WIF1: variants seen among roughly 807,000 people sequenced by gnomAD.
WIF1 encodes Wnt inhibitory factor 1.
Under a neutral mutation model 53.5 loss-of-function variants are expected in WIF1, and 35 were observed. That is an observed-to-expected ratio of 0.65 (90% CI 0.50 to 0.87). WIF1 has a LOEUF of 0.87. WIF1 is among the 40% of genes least tolerant of loss of function. The pLI is 0.00. For missense variants in WIF1, 467 were observed against 476.8 expected (o/e 0.98, Z 0.19); for synonymous variants, 171 against 170.4 (o/e 1.00, Z -0.03).
At chr12:65,060,576 A>T (rs1882597240) in intron 7 of WIF1, among the ~76,000 whole-genome samples, 1 of 152,128 alleles carries the variant, frequency 6.6e-6, no homozygotes, top group African/African-American at 2.4e-5. Flanking sequence ...GCTAATAGGT[A>T]CAGATTTTCT....
rs141776569 is a variant in WIF1 at position 65,060,633 on chromosome 12, C to T, written c.826+1848G>A. Among the ~76,000 whole-genome samples the T allele has an allele frequency of 1.1e-3, 169 of 152,246 alleles. 1 individual carries two copies. Among genetic ancestry groups the T allele is most frequent in the African/African-American group, 3.8e-3 (157 of 41,542 alleles). On this transcript the variant is annotated intron_variant, in intron 7 of 9. Transcript: ENST00000286574. ...TGGAATTTGATAGAGGTGATGGCTA[C>T]ACAATCTTGTGAATAACCCGAATGG...
At chr12:65,112,404 T>TCTCACACACACACACA (rs1555188370) in intron 2 of WIF1, among the ~76,000 whole-genome samples, 6 of 123,448 alleles carry the variant, frequency 4.9e-5, no homozygotes, top group African/African-American at 1.7e-4. Flanking sequence ...CCTGCTCTAA[T>TCTCACACACACACACA]CACACACACA....
intron 3 of WIF1, among the ~76,000 whole-genome samples, chr12:65,077,454 C>T (rs933415067): frequency 2.6e-5 from 4 of 152,098 alleles, no homozygotes; most frequent in African/African-American, 9.7e-5. Flanking sequence ...TATATCTCAC[C>T]AGATGTGTTT....
At chr12:65,109,566 A>G (rs1883399326) in intron 2 of WIF1, among the ~76,000 whole-genome samples, 1 of 152,244 alleles carries the variant, frequency 6.6e-6, no homozygotes. Flanking sequence ...TCCTGAAGCC[A>G]GTTAGATCAG....
intron 2 of WIF1, among the ~76,000 whole-genome samples, chr12:65,095,342 C>A (rs1328369280): frequency 3.9e-5 from 6 of 152,144 alleles, no homozygotes; most frequent in African/African-American, 1.2e-4. Flanking sequence ...CACTCTCAAG[C>A]AATCCTTGTG....
At chr12:65,072,135 T>A (rs1882793569) in intron 3 of WIF1, among the ~76,000 whole-genome samples, 1 of 152,184 alleles carries the variant, frequency 6.6e-6, no homozygotes, top group East Asian at 1.9e-4. Context: ...CTGACTTTAG[T>A]TAGCTGCATC....
chr12:65,112,691 C>T (rs536968414), intron 2 of WIF1, among the ~76,000 whole-genome samples: 1 of 152,300 alleles, frequency 6.6e-6, no homozygotes, highest in African/African-American at 2.4e-5. Context: ...TTGGCCCTGA[C>T]CTCCCTTCAC....
In WIF1 at chr12:65,066,641, C is replaced by A; in HGVS notation, c.730G>T (p.Ala244Ser). Residue 244 changes from alanine to serine, a missense_variant and splice_region_variant, in exon 6 of 10, where the codon GCA becomes TCA. Coordinates refer to ENST00000286574, the MANE Select transcript of WIF1 (RefSeq NM_007191.5). ...TTTCTTCTTAAAAAGAAACTGTTAC[C>A]TTTGTCACAGTTCACTCCATAGAAT... ...PGFYGVNCDK[A>S]NCSTTCFNGG... 1 of 1,596,226 alleles carries A rather than the reference C, an allele frequency of 6.3e-7. No individual in the cohort carries two copies. The highest frequency in any genetic ancestry group is 8.5e-7 in the Non-Finnish European group (1 of 1,173,462).
At chr12:65,117,101 G>A (rs779663392) in intron 2 of WIF1, among the ~76,000 whole-genome samples, 2 of 151,924 alleles carry the variant, frequency 1.3e-5, no homozygotes, top group Non-Finnish European at 2.9e-5. Flanking sequence ...TTATTATTCT[G>A]CCACTATTGC....
chr12:65,053,481 T>C (rs1882474121), intron 9 of WIF1, among the ~76,000 whole-genome samples: 1 of 152,198 alleles, frequency 6.6e-6, no homozygotes, highest in Non-Finnish European at 1.5e-5. Flanking sequence ...ATCTGACAGT[T>C]TTATAAGTGT....
At chr12:65,099,190 A>T (rs1717413749) in intron 2 of WIF1, among the ~76,000 whole-genome samples, 1 of 152,158 alleles carries the variant, frequency 6.6e-6, no homozygotes, top group African/African-American at 2.4e-5. Context: ...TAGAAATTTG[A>T]TGCACAAATC....
chr12:65,059,135 A>G (rs532309618), intron 7 of WIF1, among the ~76,000 whole-genome samples: 3 of 152,314 alleles, frequency 2.0e-5, no homozygotes, highest in East Asian at 1.9e-4. Context: ...CATTTTTACT[A>G]TAACCAATAG....
At chr12:65,086,148 T>C (rs1248787228) in intron 2 of WIF1, among the ~76,000 whole-genome samples, 3 of 113,018 alleles carry the variant, frequency 2.7e-5, no homozygotes, top group South Asian at 2.9e-4. Context: ...CATCTAAAAA[T>C]TGAAAAAAAA....
intron 2 of WIF1, among the ~76,000 whole-genome samples, chr12:65,090,529 G>C (rs568038659): frequency 6.6e-6 from 1 of 152,124 alleles, no homozygotes; most frequent in Non-Finnish European, 1.5e-5. Context: ...AAGTACATGG[G>C]GTTCTTTGAG....
intron 2 of WIF1, among the ~76,000 whole-genome samples, chr12:65,089,388 A>G (rs1341115231): frequency 6.6e-6 from 1 of 151,972 alleles, no homozygotes; most frequent in Non-Finnish European, 1.5e-5. Flanking sequence ...TTTCTCCCTC[A>G]TGCTCCTAAC....
chr12:65,101,161 T>C (rs1424299713), intron 2 of WIF1, among the ~76,000 whole-genome samples: 3 of 152,204 alleles, frequency 2.0e-5, no homozygotes, highest in Non-Finnish European at 4.4e-5. Context: ...GGAAATTAAG[T>C]ACTGCAAACT....
chr12:65,121,021 G>C, intron 1 of WIF1, 23 bp downstream of exon 1: 1 of 1,437,308 alleles, frequency 7.0e-7, no homozygotes, highest in Non-Finnish European at 9.2e-7. Flanking sequence ...GGCAGGGGAA[G>C]GCGCTGGAGG....
chr12:65,112,075 T>C (rs1883439831), intron 2 of WIF1, among the ~76,000 whole-genome samples: 1 of 152,216 alleles, frequency 6.6e-6, no homozygotes, highest in Non-Finnish European at 1.5e-5. Context: ...TTTGTGCTAA[T>C]AGTAAGTTTT....
intron 2 of WIF1, among the ~76,000 whole-genome samples, chr12:65,091,861 G>A (rs1178459457): frequency 6.6e-6 from 1 of 152,114 alleles, no homozygotes; most frequent in African/African-American, 2.4e-5. Flanking sequence ...TTACTGAGTA[G>A]TTTCCATGTG....
Sources: allele counts gnomAD v4.1 joint callset (sites outside exome capture counted in the v4.1 genomes callset), GRCh38; gene constraint gnomAD v4.1.1; transcripts MANE v1.5; gene names NCBI Gene and HGNC (gene_info 2026-07-23, HGNC 2026-07-21).